Variants in C11orf65 observed in about 807,000 individuals in gnomAD.
C11orf65 encodes protein MFI.
Under a neutral mutation model 35.3 loss-of-function variants are expected in C11orf65, and 38 were observed. The observed-to-expected ratio is 1.08, with a 90% confidence interval of 0.83 to 1.41. The LOEUF (loss-of-function observed/expected upper bound fraction) is 1.41, where lower values mean the gene tolerates loss of function less well. C11orf65 is among the 40% of genes most tolerant of loss of function. C11orf65 has a pLI of 0.00. For missense variants in C11orf65, 370 were observed against 367.1 expected (o/e 1.01, Z -0.06); for synonymous variants, 105 against 114.4 (o/e 0.92, Z 0.53).
At chr11:108,444,736 C>G (rs2118308) in intron 2 of C11orf65, among the ~76,000 whole-genome samples, 65,306 of 151,928 alleles carry the variant, frequency 0.43, 14,354 homozygotes, top group Middle Eastern at 0.66. Context: ...CATCTCACTA[C>G]GGAGTGCCAG....
downstream of C11orf65, among the ~76,000 whole-genome samples, chr11:108,328,238 T>C (rs1359980271): frequency 6.6e-6 from 1 of 152,006 alleles, no homozygotes; most frequent in Non-Finnish European, 1.5e-5. Flanking sequence ...CATGATGCGA[T>C]TGTCTTTCTT....
chr11:108,448,289 C>T (rs144267602), intron 2 of C11orf65, among the ~76,000 whole-genome samples: 32,034 of 152,082 alleles, frequency 0.21, 4,203 homozygotes, highest in East Asian at 0.34. Flanking sequence ...TTTTATGAGG[C>T]CAGCATTATC....
intron 2 of C11orf65, among the ~76,000 whole-genome samples, chr11:108,361,957 T>G (rs1252251018): frequency 7.2e-6 from 1 of 138,214 alleles, no homozygotes; most frequent in Non-Finnish European, 1.6e-5. Context: ...TGGGATCTAA[T>G]TAAACTAAAG....
intron 2 of C11orf65, among the ~76,000 whole-genome samples, chr11:108,433,748 G>A (rs879935772): frequency 5.3e-4 from 80 of 151,860 alleles, no homozygotes; most frequent in Non-Finnish European, 9.9e-4. Flanking sequence ...GCCCCTAAGG[G>A]GGTCAAGTAA....
chr11:108,311,648 T>C (rs948810118), intron 6 of C11orf65, among the ~76,000 whole-genome samples: 13 of 151,598 alleles, frequency 8.6e-5, no homozygotes, highest in African/African-American at 3.2e-4. Context: ...CAGTGAGCCA[T>C]GATTGTGCCA....
chr11:108,343,336 G>C (rs1565558417), intron 2 of C11orf65: 1 of 1,613,998 alleles, frequency 6.2e-7, no homozygotes, highest in Non-Finnish European at 8.5e-7. Context: ...CAGGCCAAAT[G>C]ATTTCAGTGC....
intron 2 of C11orf65, among the ~76,000 whole-genome samples, chr11:108,375,984 A>G (rs565703599): frequency 0.013 from 2,020 of 152,334 alleles, 21 homozygotes; most frequent in South Asian, 0.023. Flanking sequence ...AGATTCATAA[A>G]GCAAGTCCTG....
At chr11:108,450,725 G>A (rs979289342) in intron 2 of C11orf65, among the ~76,000 whole-genome samples, 23 of 151,550 alleles carry the variant, frequency 1.5e-4, no homozygotes, top group Middle Eastern at 6.8e-3. Context: ...GTATACATAT[G>A]TAAGAAACCT....
At chr11:108,403,942 T>TAA (rs2092490068) in intron 6 of C11orf65, among the ~76,000 whole-genome samples, 1 of 152,202 alleles carries the variant, frequency 6.6e-6, no homozygotes, top group Non-Finnish European at 1.5e-5. Context: ...ACCTGATTAT[T>TAA]AAGATTCTTC....
chr11:108,325,245 CAT>C, intron 6 of C11orf65: 1 of 1,013,336 alleles, frequency 9.9e-7, no homozygotes, highest in Non-Finnish European at 1.4e-6. Flanking sequence ...CCAGAACTTA[CAT>C]AGTTTTTTTT....
intron 2 of C11orf65, among the ~76,000 whole-genome samples, chr11:108,360,673 T>C (rs1297553453): frequency 1.3e-5 from 2 of 148,502 alleles, no homozygotes; most frequent in Admixed American, 6.8e-5. Context: ...ATCCAGCATA[T>C]AAACAGAACC....
chr11:108,375,416 T>C (rs1351625816), intron 2 of C11orf65, among the ~76,000 whole-genome samples: 6 of 150,616 alleles, frequency 4.0e-5, no homozygotes, highest in Non-Finnish European at 5.9e-5. Context: ...AATAAAATAC[T>C]TTACAGACAA....
intron 6 of C11orf65, chr11:108,325,970 G>A (rs2085635947): frequency 1.4e-6 from 2 of 1,474,592 alleles, no homozygotes; most frequent in Non-Finnish European, 1.9e-6. Flanking sequence ...CTCAATGAAT[G>A]GTAGTTGCTG....
intron 2 of C11orf65, among the ~76,000 whole-genome samples, chr11:108,449,453 G>C (rs1228279272): frequency 6.6e-6 from 1 of 151,878 alleles, no homozygotes; most frequent in Non-Finnish European, 1.5e-5. Context: ...GATCAATGGA[G>C]CAGAACAGAG....
chr11:108,325,857 TATAGAG>T (rs1375212318), intron 6 of C11orf65, among the ~76,000 whole-genome samples: 1 of 152,032 alleles, frequency 6.6e-6, no homozygotes, highest in Non-Finnish European at 1.5e-5. Context: ...CATACATACA[TATAGAG>T]AGAGACAGAC....
downstream of C11orf65, among the ~76,000 whole-genome samples, chr11:108,381,228 C>A (rs117684017): frequency 3.8e-3 from 577 of 152,266 alleles, 6 homozygotes; most frequent in Non-Finnish European, 6.6e-3. Flanking sequence ...TGGCCCCTCT[C>A]ACCACTACTC....
chr11:108,362,392 G>T (rs1042486302), intron 2 of C11orf65, among the ~76,000 whole-genome samples: 1 of 151,772 alleles, frequency 6.6e-6, no homozygotes, highest in African/African-American at 2.4e-5. Flanking sequence ...TCAGTGTGGC[G>T]ATTCCTCAGG....
chr11:108,466,826 C>T (rs11212656), intron 1 of C11orf65, among the ~76,000 whole-genome samples: 7,410 of 152,272 alleles, frequency 0.049, 619 homozygotes, highest in African/African-American at 0.17. Context: ...AAGCAGCAAA[C>T]AATCTTTACT....
At chr11:108,341,223 T>C (rs2087530036) in intron 2 of C11orf65, among the ~76,000 whole-genome samples, 1 of 152,090 alleles carries the variant, frequency 6.6e-6, no homozygotes, top group African/African-American at 2.4e-5. Context: ...CTCAGGGCTT[T>C]TCTGCTTCTG....
Sources: gnomAD v4.1 joint callset for allele counts (sites outside exome capture counted in the v4.1 genomes callset) on GRCh38, gnomAD v4.1.1 for gene constraint, MANE v1.5 for transcripts, NCBI Gene and HGNC (gene_info 2026-07-23, HGNC 2026-07-21) for gene names.